DGKD: variants seen among roughly 807,000 people sequenced by gnomAD.
The protein encoded by DGKD is DAG kinase delta.
DGKD carries 68 observed loss-of-function variants against 154.4 expected under a neutral mutation model. The observed-to-expected ratio is 0.44, with a 90% CI of 0.36 to 0.54. The LOEUF is 0.54. Ranked by LOEUF, DGKD falls within the 20% of genes least tolerant of loss-of-function variation. DGKD has a pLI of 0.00. For synonymous variants in DGKD, 693 were observed against 638.0 expected (o/e 1.09, Z -1.30); for missense variants, 1,343 against 1,593.6 (o/e 0.84, Z 2.68).
At chr2:233,361,682 T>C (rs1427046741) in intron 1 of DGKD, among the ~76,000 whole-genome samples, 1 of 152,226 alleles carries the variant, frequency 6.6e-6, no homozygotes, top group Non-Finnish European at 1.5e-5. Flanking sequence ...GCCAGATGGC[T>C]CACGCCTATA....
intron 7 of DGKD, 65 bp from the exon 8 acceptor site, chr2:233,437,312 G>A: frequency 6.8e-7 from 1 of 1,467,616 alleles, no homozygotes; most frequent in East Asian, 2.3e-5. Context: ...CTACAGGGCA[G>A]GAGGATTTCT....
intron 1 of DGKD, among the ~76,000 whole-genome samples, chr2:233,366,057 A>G (rs1471078360): frequency 6.6e-6 from 1 of 152,172 alleles, no homozygotes; most frequent in Non-Finnish European, 1.5e-5. Context: ...GCCCTGTGGC[A>G]AGAGGGAGCT....
rs771408809 is a variant in DGKD, at chr2:233,459,921, G to A, written c.2829+30G>A. 7 of 1,609,110 alleles carry A rather than the reference G, an allele frequency of 4.4e-6. No individual in the cohort carries two copies. In the Middle Eastern group the frequency reaches 5.0e-4, roughly 114 times the overall value. ...GAGCGGCTGCCCGCGGTACCTGGGT[G>A]GGGTACAGGGCTCACCTGTGGGCTC... On this transcript the variant is annotated intron_variant, in intron 23 of 29. Coordinates refer to ENST00000264057, the MANE Select transcript of DGKD (RefSeq NM_152879.3). This position sits in a 1 kb window ranked among gnomAD's most constrained non-coding sequence, Gnocchi z 5.7.
At chr2:233,406,611 G>A (rs1035278235) in intron 3 of DGKD, among the ~76,000 whole-genome samples, 2 of 152,144 alleles carry the variant, frequency 1.3e-5, no homozygotes, top group South Asian at 2.1e-4. Context: ...CCCTCAAAGC[G>A]GTCTGTGGAT....
In DGKD at chr2:233,449,476, A is replaced by C. The variant is rs1047034246; in HGVS notation, c.1888+100A>C. 1.5e-5 allele frequency: 21 copies of C among 1,445,940 alleles called. No individual in the cohort carries two copies. Among genetic ancestry groups the C allele is most frequent in the Non-Finnish European group, 2.8e-6 (3 of 1,090,574 alleles). The allele number at this position is 1,445,940 out of a possible 1,614,324, so 89.6% of individuals were successfully genotyped here. A position where few individuals can be genotyped will look rare whatever the true frequency, so the allele number is the denominator to read the frequency against. The stretch of plus-strand genomic sequence containing the variant: ...GATGACAGAAGGGTGCATGTTGAGA[A>C]AACCTCCACTGCGGCCCTCTCCACC... On this transcript the variant is annotated intron_variant, in intron 15 of 29. Transcript: ENST00000264057. The surrounding 1 kb of genome is among the most constrained non-coding windows in gnomAD (Gnocchi z 5.3).
intron 3 of DGKD, among the ~76,000 whole-genome samples, chr2:233,417,491 C>A (rs1217024813): frequency 3.3e-5 from 5 of 152,098 alleles, no homozygotes; most frequent in African/African-American, 1.2e-4. Context: ...CTTACCTATT[C>A]CCATGGGACT....
intron 24 of DGKD, among the ~76,000 whole-genome samples, chr2:233,461,146 G>A (rs1321185308): frequency 1.3e-5 from 2 of 152,024 alleles, no homozygotes; most frequent in Non-Finnish European, 2.9e-5. Context: ...CTCCTCGCCC[G>A]CCAGGTGCGG....
chr2:233,363,102 AAAG>A (rs1285069658), intron 1 of DGKD, among the ~76,000 whole-genome samples: 2 of 152,234 alleles, frequency 1.3e-5, no homozygotes, highest in Non-Finnish European at 2.9e-5. Context: ...CTTATAGAAA[AAAG>A]AAAAACAAAT....
intron 3 of DGKD, among the ~76,000 whole-genome samples, chr2:233,413,360 C>T (rs1335003081): frequency 6.6e-6 from 1 of 151,330 alleles, no homozygotes; most frequent in Non-Finnish European, 1.5e-5. Flanking sequence ...TGTAGGTATG[C>T]AGTTTTTTTG....
At position 233,452,443 on chromosome 2, in the gene DGKD, TG is replaced by T. The variant is rs2063325506; in HGVS notation, c.2264+384del. On this transcript the variant is annotated intron_variant, in intron 18 of 29. Transcript: ENST00000264057. The surrounding 1 kb of genome is among the most constrained non-coding windows in gnomAD (Gnocchi z 4.0). ...ACCTCACTGACTTCTGCTTACAGCCTGCCATCTTCCTCTTGCCATCCCTTCC... is the reference window on the plus strand; with the variant it reads ...ACCTCACTGACTTCTGCTTACAGCCTCCATCTTCCTCTTGCCATCCCTTCC... 6.6e-6 allele frequency among the ~76,000 whole-genome samples: 1 copy of T among 152,170 alleles called. No individual in the cohort carries two copies. The highest frequency in any genetic ancestry group is 2.1e-4 in the South Asian group (1 of 4,830).
At position 233,388,333 on chromosome 2, in the gene DGKD, G is replaced by C; in HGVS notation, c.233G>C (p.Arg78Pro). ...TCAAAAAGGAGATACTTTAAGCTTC[G>C]AGGGCGAACGCTTTACTATGCCAAA... ...QRSKRRYFKLRGRTLYYAKTA... is the reference protein window; with the variant it reads ...QRSKRRYFKLPGRTLYYAKTA... The change falls in exon 2 of 30, where the codon CGA becomes CCA. Residue 78 changes from arginine (R) to proline (P), a missense_variant. By Grantham distance (103) the Arg-to-Pro change is moderately radical. Transcript: ENST00000264057. The C allele has an allele frequency of 6.2e-7, 1 of 1,614,018 alleles. No individual in the cohort carries two copies.
At chr2:233,389,363 T>C (rs557364188) in intron 2 of DGKD, among the ~76,000 whole-genome samples, 1 of 152,330 alleles carries the variant, frequency 6.6e-6, no homozygotes, top group African/African-American at 2.4e-5. Flanking sequence ...GGATGTGGTG[T>C]TAGACATTCA....
rs1054900825 is a variant in DGKD at position 233,445,587 on chromosome 2, G to A, written c.1195-36G>A. On this transcript the variant is annotated intron_variant, in intron 10 of 29. Transcript: ENST00000264057. This position sits in a 1 kb window ranked among gnomAD's most constrained non-coding sequence, Gnocchi z 5.5. Reference sequence around the variant, plus strand: ...GCTGGGAAGTGGCCCCTGCCCCCAGGTGTTTGCCTGCGCATCGTCCCCCAT... The same window carrying A: ...GCTGGGAAGTGGCCCCTGCCCCCAGATGTTTGCCTGCGCATCGTCCCCCAT... 26 of 1,569,042 alleles carry A rather than the reference G, an allele frequency of 1.7e-5. No homozygotes were observed. The highest frequency in any genetic ancestry group is 2.2e-5 in the Non-Finnish European group (26 of 1,156,024).
At chr2:233,392,202 T>C (rs1212850708) in intron 3 of DGKD, 1 of 152,092 alleles carries the variant, frequency 6.6e-6, no homozygotes, top group Non-Finnish European at 1.5e-5. Flanking sequence ...TCTTCGTAAT[T>C]TTAGTAGAGA....
At chr2:233,435,525 C>T (rs2062659854) in intron 5 of DGKD, among the ~76,000 whole-genome samples, 1 of 152,198 alleles carries the variant, frequency 6.6e-6, no homozygotes, top group African/African-American at 2.4e-5. Flanking sequence ...TGCTTTTGTG[C>T]TACATGACAG....
intron 3 of DGKD, among the ~76,000 whole-genome samples, chr2:233,393,188 C>G (rs191708005): frequency 6.6e-6 from 1 of 152,190 alleles, no homozygotes; most frequent in African/African-American, 2.4e-5. Flanking sequence ...CCACGCCCAG[C>G]TAATGTTTTT....
chr2:233,435,802 GC>G lies in DGKD; in HGVS notation c.587-12del. On this transcript the variant is annotated splice_polypyrimidine_tract_variant and intron_variant, in intron 5 of 29. Coordinates refer to ENST00000264057, the MANE Select transcript of DGKD (RefSeq NM_152879.3). ...ACAGACACAGCTTGTAGGCTCATGTGCCCCTTCTCTCACAGTGTGCAAATTT... is the reference window on the plus strand; with the variant it reads ...ACAGACACAGCTTGTAGGCTCATGTGCCCTTCTCTCACAGTGTGCAAATTT... The G allele has an allele frequency of 1.9e-6, 3 of 1,608,398 alleles. No individual in the cohort carries two copies. Among genetic ancestry groups the G allele is most frequent in the Non-Finnish European group, 2.5e-6 (3 of 1,176,956 alleles).
chr2:233,416,931 A>G (rs1200079262), intron 3 of DGKD, among the ~76,000 whole-genome samples: 1 of 152,184 alleles, frequency 6.6e-6, no homozygotes, highest in Admixed American at 6.5e-5. Flanking sequence ...CCTGGACATG[A>G]AGCTTCTGGT....
chr2:233,422,040 C>T (rs879612802), intron 3 of DGKD, among the ~76,000 whole-genome samples: 11 of 152,172 alleles, frequency 7.2e-5, no homozygotes, highest in Non-Finnish European at 1.5e-4. Flanking sequence ...GACCTTGAGG[C>T]CCCCTAAGTG....
Sources: gnomAD v4.1 joint callset for allele counts (sites outside exome capture counted in the v4.1 genomes callset) on GRCh38, gnomAD v4.1.1 for gene constraint, Gnocchi (gnomAD v3.1) non-coding constraint, MANE v1.5 for transcripts, NCBI Gene and HGNC (gene_info 2026-07-23, HGNC 2026-07-21) for gene names.